CREB5: variants seen among roughly 807,000 people sequenced by gnomAD.
CREB5 encodes cyclic AMP-responsive element-binding protein 5.
In CREB5, 19 loss-of-function variants were observed where a neutral mutation model predicts 57.1. That is an observed-to-expected ratio of 0.33 (90% confidence interval 0.23 to 0.49). The LOEUF is 0.49. Ranked by LOEUF, CREB5 falls within the 20% of genes least tolerant of loss-of-function variation. The probability of loss-of-function intolerance (pLI) is 0.99; values close to 1 mark genes in which losing one functional copy is unlikely to be tolerated. For missense variants in CREB5, 579 were observed against 671.6 expected, an observed-to-expected ratio of 0.86 and a Z score of 1.52; for synonymous variants, 238 against 238.3, an observed-to-expected ratio of 1.00 and a Z score of 0.01.
At chr7:28,791,007 A>G (rs1272221247) in intron 7 of CREB5, among the ~76,000 whole-genome samples, 1 of 152,224 alleles carries the variant, frequency 6.6e-6, no homozygotes, top group African/African-American at 2.4e-5. Context: ...TCTTATGCAT[A>G]TGAAAACAAC....
chr7:28,437,502 A>ACAC (rs1233864540), intron 1 of CREB5, among the ~76,000 whole-genome samples: 3 of 152,144 alleles, frequency 2.0e-5, no homozygotes, highest in African/African-American at 7.2e-5. Flanking sequence ...TCCTTCTATC[A>ACAC]TCTTCTACCA....
intron 4 of CREB5, among the ~76,000 whole-genome samples, chr7:28,516,886 G>A (rs1428496194): frequency 1.3e-5 from 2 of 152,208 alleles, no homozygotes. Context: ...ATTTCCAGCT[G>A]TGAGTAATTC....
intron 7 of CREB5, among the ~76,000 whole-genome samples, chr7:28,729,158 G>A (rs1247243997): frequency 6.6e-6 from 1 of 152,122 alleles, no homozygotes; most frequent in East Asian, 1.9e-4. Flanking sequence ...GAAAGACAAG[G>A]CATCTTAGAA....
intron 1 of CREB5, among the ~76,000 whole-genome samples, chr7:28,329,291 C>T (rs1388759912): frequency 2.0e-5 from 3 of 152,182 alleles, no homozygotes; most frequent in African/African-American, 7.2e-5. Context: ...TTCATCACTA[C>T]AGAAGTGGTT....
chr7:28,431,871 G>T (rs1788725603), intron 1 of CREB5, among the ~76,000 whole-genome samples: 2 of 152,276 alleles, frequency 1.3e-5, no homozygotes, highest in South Asian at 4.1e-4. Flanking sequence ...ATGAACTCTG[G>T]GTTGGGGGCC....
intron 4 of CREB5, among the ~76,000 whole-genome samples, chr7:28,520,641 A>G (rs71539569): frequency 0.075 from 11,368 of 152,298 alleles, 680 homozygotes; most frequent in Non-Finnish European, 0.1. Flanking sequence ...GAGGGGATAA[A>G]CCTTCATTGT....
chr7:28,718,693 C>A, intron 5 of CREB5, 60 bp from the exon 6 acceptor site: 1 of 1,600,672 alleles, frequency 6.2e-7, no homozygotes. Flanking sequence ...GTTCTGGACA[C>A]TGGGGAGACA....
chr7:28,503,871 C>T lies in CREB5; in HGVS notation c.170-3745C>T, dbSNP rs188433193. 1.8e-3 allele frequency among the ~76,000 whole-genome samples: 280 copies of T among 152,240 alleles called. 3 individuals carry two copies. Among genetic ancestry groups the T allele is most frequent in the African/African-American group, 6.2e-3 (259 of 41,538 alleles). On this transcript the variant is annotated intron_variant, in intron 3 of 10. Transcript: ENST00000357727. ...CCAGGGGAGCCACAGACTGCAAAGACAACTGCTTCCCTCCCACCCCCAGAG... is the reference window on the plus strand; with the variant it reads ...CCAGGGGAGCCACAGACTGCAAAGATAACTGCTTCCCTCCCACCCCCAGAG...
At chr7:28,300,032 AT>A (rs1785072293) in intron 1 of CREB5, among the ~76,000 whole-genome samples, 1 of 151,478 alleles carries the variant, frequency 6.6e-6, no homozygotes, top group South Asian at 2.1e-4. Context: ...CCGTTTTGTT[AT>A]TTATACTGCT....
intron 4 of CREB5, among the ~76,000 whole-genome samples, chr7:28,520,453 T>C (rs1213307031): frequency 6.6e-6 from 1 of 152,216 alleles, no homozygotes. Context: ...CAAGTCTGAT[T>C]TCTGAAGTGA....
chr7:28,730,973 C>G (rs1488846587), intron 7 of CREB5, among the ~76,000 whole-genome samples: 1 of 152,186 alleles, frequency 6.6e-6, no homozygotes, highest in Non-Finnish European at 1.5e-5. Context: ...AAATTAGTAG[C>G]TCAGGCCCCA....
chr7:28,615,532 ACTCAG>A (rs1797564593), intron 5 of CREB5: 1 of 152,340 alleles, frequency 6.6e-6, no homozygotes, highest in African/African-American at 2.4e-5. Flanking sequence ...GACAGCAGCT[ACTCAG>A]GCTGACATGG....
intron 5 of CREB5, among the ~76,000 whole-genome samples, chr7:28,682,084 T>G (rs1157638020): frequency 6.6e-6 from 1 of 152,134 alleles, no homozygotes; most frequent in Non-Finnish European, 1.5e-5. Context: ...TACAAATAGG[T>G]TTTGACACAG....
intron 5 of CREB5, among the ~76,000 whole-genome samples, chr7:28,692,956 G>A (rs747872251): frequency 6.6e-6 from 1 of 152,106 alleles, no homozygotes; most frequent in Non-Finnish European, 1.5e-5. Context: ...CTGTACCTGC[G>A]CTGGCAAGAG....
chr7:28,629,044 G>C (rs1453088025), intron 5 of CREB5, among the ~76,000 whole-genome samples: 1 of 152,166 alleles, frequency 6.6e-6, no homozygotes, highest in Non-Finnish European at 1.5e-5. Context: ...TGTTTAAACG[G>C]TGAGTTTACC....
At chr7:28,410,399 G>A, upstream of CREB5, 1 of 456,754 alleles carries the variant, frequency 2.2e-6, no homozygotes, top group Non-Finnish European at 4.4e-6. Context: ...TCCCCCTGCG[G>A]CAGATTCTCG....
intron 1 of CREB5, among the ~76,000 whole-genome samples, chr7:28,356,423 G>A (rs1389224129): frequency 6.6e-6 from 1 of 152,160 alleles, no homozygotes; most frequent in East Asian, 1.9e-4. Flanking sequence ...GTCGTTTTAG[G>A]CAATGGTTTG....
chr7:28,584,552 G>A (rs904252818), intron 5 of CREB5, among the ~76,000 whole-genome samples: 2 of 152,132 alleles, frequency 1.3e-5, no homozygotes, highest in African/African-American at 2.4e-5. Flanking sequence ...GCCACCACCA[G>A]AATCCAGGAG....
At chr7:28,531,498 T>G (rs1258300892) in intron 4 of CREB5, among the ~76,000 whole-genome samples, 1 of 152,194 alleles carries the variant, frequency 6.6e-6, no homozygotes, top group Non-Finnish European at 1.5e-5. Context: ...CCACTCATGA[T>G]AGATTGGGAG....
Sources: allele counts gnomAD v4.1 joint callset (sites outside exome capture counted in the v4.1 genomes callset), GRCh38; gene constraint gnomAD v4.1.1; transcripts MANE v1.5; gene names NCBI Gene and HGNC (gene_info 2026-07-23, HGNC 2026-07-21).